Variants in SLC2A9 observed in about 807,000 individuals in gnomAD.
SLC2A9 encodes solute carrier family 2, facilitated glucose transporter member 9.
Under a neutral mutation model 50.6 loss-of-function variants are expected in SLC2A9, and 39 were observed. The observed-to-expected ratio is 0.77, with a 90% CI of 0.60 to 1.01. SLC2A9 has a LOEUF of 1.01. Among genes scored for constraint, SLC2A9 ranks in the 50% least tolerant of loss-of-function variants. SLC2A9 has a pLI of 0.00. For missense variants in SLC2A9, 686 were observed against 677.6 expected (o/e 1.01, Z -0.14); for synonymous variants, 324 against 276.9 (o/e 1.17, Z -1.69).
downstream of SLC2A9, among the ~76,000 whole-genome samples, chr4:9,778,040 CTTTCTT>C (rs1279362843): frequency 2.3e-5 from 3 of 130,496 alleles, no homozygotes; most frequent in African/African-American, 5.8e-5. Flanking sequence ...CTTCTATTTT[CTTTCTT>C]TCTTTCTTTC....
intron 1 of SLC2A9, among the ~76,000 whole-genome samples, chr4:10,038,257 A>G (rs1764169663): frequency 6.6e-6 from 1 of 152,086 alleles, no homozygotes; most frequent in Non-Finnish European, 1.5e-5. Flanking sequence ...CTGTAATCCC[A>G]GTGCTTTGAG....
At chr4:9,864,717 T>C (rs967000599) in intron 10 of SLC2A9, among the ~76,000 whole-genome samples, 1 of 152,206 alleles carries the variant, frequency 6.6e-6, no homozygotes, top group Non-Finnish European at 1.5e-5. Flanking sequence ...AGAGAGAAAA[T>C]GCCATTTCAT....
At chr4:10,018,689 C>G (rs1319840102) in intron 2 of SLC2A9, among the ~76,000 whole-genome samples, 5 of 152,198 alleles carry the variant, frequency 3.3e-5, no homozygotes, top group African/African-American at 1.2e-4. Context: ...GATCGCCCCC[C>G]ACCCCACCCC....
chr4:9,817,776 C>T (rs547156198), intron 3 of SLC2A9, among the ~76,000 whole-genome samples: 30 of 152,282 alleles, frequency 2.0e-4, no homozygotes, highest in African/African-American at 6.5e-4. Flanking sequence ...CCCTACCAAA[C>T]TTGAGTCTTC....
chr4:9,785,938 C>T (rs1560116058), intron 3 of SLC2A9, among the ~76,000 whole-genome samples: 1 of 152,102 alleles, frequency 6.6e-6, no homozygotes, highest in East Asian at 1.9e-4. Context: ...CAGGGGAGGA[C>T]TTTCCAAAGA....
chr4:9,834,877 A>G lies in SLC2A9; in HGVS notation c.1419+4T>C. On this transcript the variant is annotated splice_donor_region_variant and intron_variant, in intron 11 of 11. Transcript: ENST00000264784. ...ATGGGCAAAAGACTCCTTGTCAGTCATACCTGAATGAATGGGAAGAGGAGC... is the reference window on the plus strand; with the variant it reads ...ATGGGCAAAAGACTCCTTGTCAGTCGTACCTGAATGAATGGGAAGAGGAGC... 2 of 1,614,180 alleles carry G rather than the reference A, an allele frequency of 1.2e-6. No individual in the cohort carries two copies. Among genetic ancestry groups the G allele is most frequent in the Non-Finnish European group, 1.7e-6 (2 of 1,180,026 alleles).
rs113242350 is a variant in SLC2A9, at chr4:9,941,770, A to G, written c.814+143T>C. 6.0e-6 allele frequency: 7 copies of G among 1,157,912 alleles called. No individual in the cohort carries two copies. The African/African-American group carries it at 1.1e-4, about 18-fold the overall frequency. The allele number at this position is 1,157,912 out of a possible 1,614,324, so 71.7% of individuals were successfully genotyped here. ...TGTTGGGAAGATGAAATGAGAAGGT[A>G]CCCTATGATACCCAGCCCAGTGCCT... is the stretch of plus-strand genomic sequence containing the variant. On this transcript the variant is annotated intron_variant, in intron 6 of 11. Coordinates refer to ENST00000264784, the MANE Select transcript of SLC2A9 (RefSeq NM_020041.3).
At chr4:9,965,721 G>A (rs943296462) in intron 5 of SLC2A9, among the ~76,000 whole-genome samples, 54 of 152,250 alleles carry the variant, frequency 3.5e-4, no homozygotes, top group African/African-American at 1.2e-3. Context: ...TATGGTATCT[G>A]TTTTTACATT....
chr4:9,857,267 C>G (rs964204517), intron 10 of SLC2A9, among the ~76,000 whole-genome samples: 11 of 152,114 alleles, frequency 7.2e-5, no homozygotes, highest in Non-Finnish European at 1.3e-4. Context: ...TTGGTTTTCC[C>G]AGCTGCAGAG....
chr4:9,782,896 G>C, intron 3 of SLC2A9: 1 of 1,613,938 alleles, frequency 6.2e-7, no homozygotes, highest in Non-Finnish European at 8.5e-7. Flanking sequence ...CTTCCATCAA[G>C]AAGGAGACCA....
At chr4:9,868,610 C>G (rs1300893919) in intron 10 of SLC2A9, among the ~76,000 whole-genome samples, 1 of 152,162 alleles carries the variant, frequency 6.6e-6, no homozygotes, top group Non-Finnish European at 1.5e-5. Context: ...TGTTGAGGAG[C>G]TCATATATAG....
At chr4:9,976,540 C>T (rs1754831645) in intron 5 of SLC2A9, among the ~76,000 whole-genome samples, 2 of 152,212 alleles carry the variant, frequency 1.3e-5, no homozygotes. Flanking sequence ...ACCAGAAGCC[C>T]TAGATCCACA....
chr4:9,879,441 G>T (rs1169508403), intron 10 of SLC2A9: 1 of 985,206 alleles, frequency 1.0e-6, no homozygotes, highest in African/African-American at 1.7e-5. Context: ...TGTGGCTCCA[G>T]ATGGCTGCAG....
intron 3 of SLC2A9, among the ~76,000 whole-genome samples, chr4:9,813,573 G>A (rs1723160557): frequency 6.6e-6 from 1 of 152,188 alleles, no homozygotes; most frequent in Non-Finnish European, 1.5e-5. Flanking sequence ...GAGCACTTAT[G>A]AGGTGCCAGA....
intron 3 of SLC2A9, among the ~76,000 whole-genome samples, chr4:9,790,497 G>A (rs974903880): frequency 2.1e-4 from 32 of 152,158 alleles, no homozygotes; most frequent in African/African-American, 7.2e-4. Flanking sequence ...TGGCTTCATG[G>A]GTAGGGGCTG....
intron 5 of SLC2A9, among the ~76,000 whole-genome samples, chr4:9,953,231 G>A (rs1193152432): frequency 6.6e-6 from 1 of 152,228 alleles, no homozygotes; most frequent in Non-Finnish European, 1.5e-5. Flanking sequence ...TATGCCTCTT[G>A]GCCATGGGTA....
At chr4:9,999,127 A>AGAGGCAGG (rs1295887068) in intron 2 of SLC2A9, among the ~76,000 whole-genome samples, 5 of 149,718 alleles carry the variant, frequency 3.3e-5, no homozygotes, top group Non-Finnish European at 7.4e-5. Flanking sequence ...AGCTCACTGC[A>AGAGGCAGG]GATTTGATCC....
chr4:9,777,025 T>A (rs1717655731), downstream of SLC2A9, among the ~76,000 whole-genome samples: 1 of 152,238 alleles, frequency 6.6e-6, no homozygotes, highest in African/African-American at 2.4e-5. Flanking sequence ...TGAAGCAGCT[T>A]TTCCCTTCAA....
chr4:9,995,573 A>G (rs547685145), intron 3 of SLC2A9: 1 of 152,190 alleles, frequency 6.6e-6, no homozygotes, highest in South Asian at 2.1e-4. Context: ...GAGTCTGATA[A>G]ATCTCCTCTT....
Sources: allele counts gnomAD v4.1 joint callset (sites outside exome capture counted in the v4.1 genomes callset), GRCh38; gene constraint gnomAD v4.1.1; transcripts MANE v1.5; gene names NCBI Gene and HGNC (gene_info 2026-07-23, HGNC 2026-07-21).